POR: variants seen among roughly 807,000 people sequenced by gnomAD.
POR encodes cytochrome p450 oxidoreductase, also known as NADPH--cytochrome P450 reductase.
In POR, 56 loss-of-function variants were observed where a neutral mutation model predicts 84.0. That is an observed-to-expected ratio of 0.67 (90% confidence interval 0.54 to 0.83). The LOEUF (loss-of-function observed/expected upper bound fraction) is 0.83. POR is among the 40% of genes least tolerant of loss of function. The probability of loss-of-function intolerance (pLI) is 0.00; values close to 1 mark genes in which losing one functional copy is unlikely to be tolerated. For synonymous variants in POR, 414 were observed against 400.5 expected, an observed-to-expected ratio of 1.03 and a Z score of -0.40; for missense variants, 938 against 944.3, an observed-to-expected ratio of 0.99 and a Z score of 0.09.
intron 1 of POR, among the ~76,000 whole-genome samples, chr7:75,938,480 G>A (rs73133930): frequency 0.07 from 10,726 of 152,208 alleles, 465 homozygotes; most frequent in Non-Finnish European, 0.094. Context: ...TATCTCGGCC[G>A]AGTGTGGTGG....
At chr7:75,984,164 G>A (rs1422119756) in intron 10 of POR, among the ~76,000 whole-genome samples, 3 of 152,220 alleles carry the variant, frequency 2.0e-5, no homozygotes, top group Non-Finnish European at 2.9e-5. Context: ...CTGGGAAGGA[G>A]GGCCTGGCTC....
chr7:75,983,445 C>T (rs1213128665), intron 8 of POR, 75 bp from the exon 9 acceptor site: 3 of 1,060,000 alleles, frequency 2.8e-6, no homozygotes, highest in Admixed American at 1.8e-5. Flanking sequence ...CTTTGTGCAA[C>T]CAGAAGCGTC....
intron 1 of POR, among the ~76,000 whole-genome samples, chr7:75,935,369 C>T (rs1180199869): frequency 1.3e-5 from 2 of 152,090 alleles, no homozygotes; most frequent in Non-Finnish European, 2.9e-5. Flanking sequence ...GCCTTAGCCT[C>T]CCAAGTAACT....
chr7:75,965,458 G>A (rs537597176), intron 2 of POR, among the ~76,000 whole-genome samples: 16 of 152,312 alleles, frequency 1.1e-4, no homozygotes, highest in East Asian at 3.9e-4. Context: ...CCTGCACCAC[G>A]CTTTTGCTCC....
chr7:75,986,110 C>T, intron 14 of POR, 42 bp downstream of exon 14: 4 of 1,579,518 alleles, frequency 2.5e-6, no homozygotes, highest in Non-Finnish European at 3.4e-6. Flanking sequence ...ATGAGGCTGG[C>T]AGGGCCACAG....
At chr7:75,933,024 G>GA (rs782591942) in intron 1 of POR, among the ~76,000 whole-genome samples, 1,230 of 92,304 alleles carry the variant, frequency 0.013, 7 homozygotes, top group African/African-American at 0.033. Flanking sequence ...GACTCCATCT[G>GA]AAAAAAAAAA....
At chr7:75,924,744 CAAAT>C (rs1185870505) in intron 1 of POR, among the ~76,000 whole-genome samples, 4 of 152,000 alleles carry the variant, frequency 2.6e-5, no homozygotes, top group African/African-American at 9.7e-5. Context: ...GAAAATTCCC[CAAAT>C]AAATAAATAA....
chr7:75,971,929 C>T (rs901320445), intron 2 of POR, among the ~76,000 whole-genome samples: 1 of 151,926 alleles, frequency 6.6e-6, no homozygotes, highest in African/African-American at 2.4e-5. Flanking sequence ...TGCCCGGATC[C>T]CATGGGTCGT....
chr7:75,950,779 C>T (rs1787377498), intron 1 of POR, among the ~76,000 whole-genome samples: 1 of 152,138 alleles, frequency 6.6e-6, no homozygotes, highest in African/African-American at 2.4e-5. Flanking sequence ...ATCAAAAAAG[C>T]TGGCCAGGTG....
At chr7:75,915,236 G>C (rs1554547909) in intron 1 of POR, 57 bp downstream of exon 1, 3 of 153,632 alleles carry the variant, frequency 2.0e-5, no homozygotes, top group African/African-American at 7.2e-5. Context: ...CCCAAGACTC[G>C]GGGTTTGCCG....
intron 2 of POR, among the ~76,000 whole-genome samples, chr7:75,971,515 G>T (rs921260647): frequency 6.6e-6 from 1 of 151,984 alleles, no homozygotes; most frequent in Non-Finnish European, 1.5e-5. Flanking sequence ...GTGAGGGGTG[G>T]TGCGGGGGTA....
intron 1 of POR, among the ~76,000 whole-genome samples, chr7:75,952,670 TCA>T (rs1217866453): frequency 4.0e-5 from 6 of 148,826 alleles, no homozygotes; most frequent in Non-Finnish European, 7.4e-5. Flanking sequence ...GAGGCGCTCC[TCA>T]CATCCCAGAC....
At chr7:75,983,414 AG>A in intron 8 of POR, 105 bp from the exon 9 acceptor site, 1 of 754,954 alleles carries the variant, frequency 1.3e-6, no homozygotes, top group Admixed American at 2.2e-5. Flanking sequence ...TTCCTCATGG[AG>A]ATCTCTGAGA....
At chr7:75,955,522 A>G (rs1195950693) in intron 2 of POR, among the ~76,000 whole-genome samples, 2 of 152,178 alleles carry the variant, frequency 1.3e-5, no homozygotes, top group Non-Finnish European at 2.9e-5. Flanking sequence ...GCCCGCAGCC[A>G]GGTTTGAGTG....
chr7:75,941,846 G>A (rs1786934960), intron 1 of POR, among the ~76,000 whole-genome samples: 1 of 151,892 alleles, frequency 6.6e-6, no homozygotes. Context: ...AAAGAAATTC[G>A]AGTAATAACT....
intron 5 of POR, 74 bp downstream of exon 5, chr7:75,980,562 CT>C (rs782811938): frequency 2.4e-5 from 38 of 1,611,902 alleles, no homozygotes; most frequent in Non-Finnish European, 2.0e-5. Context: ...ATCCATGTAT[CT>C]GAAAGGCAGC....
chr7:75,950,018 A>G (rs1310807697), intron 1 of POR, among the ~76,000 whole-genome samples: 1 of 150,872 alleles, frequency 6.6e-6, no homozygotes, highest in Non-Finnish European at 1.5e-5. Flanking sequence ...GCCTGCCACC[A>G]CGCCTGGCTA....
chr7:75,986,079 C>T lies in POR; in HGVS notation c.1815+11C>T, dbSNP rs559663770. On this transcript the variant is annotated intron_variant, in intron 14 of 15. Coordinates refer to ENST00000461988, the MANE Select transcript of POR (RefSeq NM_000941.3). ...GAGCAGTCCCACAAGGTGAGACGGG[C>T]GGGCACCCACGAAGGTGGGCATGAG... 2.6e-5 allele frequency: 40 copies of T among 1,564,200 alleles called. No homozygotes were observed. Among genetic ancestry groups the T allele is most frequent in the Admixed American group, 1.3e-4 (7 of 52,258 alleles).
At chr7:75,922,338 T>C (rs1191518191) in intron 1 of POR, among the ~76,000 whole-genome samples, 1 of 150,800 alleles carries the variant, frequency 6.6e-6, no homozygotes, top group Non-Finnish European at 1.5e-5. Context: ...TTTTTTTTTT[T>C]TGAGACAGAG....
Sources: allele counts gnomAD v4.1 joint callset (sites outside exome capture counted in the v4.1 genomes callset), GRCh38; gene constraint gnomAD v4.1.1; transcripts MANE v1.5; gene names NCBI Gene and HGNC (gene_info 2026-07-23, HGNC 2026-07-21).